Variants in TLK1 observed in about 807,000 individuals in gnomAD.
TLK1 encodes the protein serine/threonine-protein kinase tousled-like 1.
Under a neutral mutation model 105.3 loss-of-function variants are expected in TLK1, and 24 were observed. The ratio of observed to expected loss-of-function variants is 0.23; its 90% CI spans 0.17 to 0.32. The LOEUF is 0.32. Ranked by LOEUF, TLK1 falls within the 10% of genes least tolerant of loss-of-function variation. The probability of loss-of-function intolerance (pLI) is 1.00; values close to 1 mark genes in which losing one functional copy is unlikely to be tolerated. For missense variants in TLK1, 558 were observed against 910.5 expected (o/e 0.61, Z 4.98); for synonymous variants, 321 against 310.4 (o/e 1.03, Z -0.36).
chr2:171,109,726 G>A (rs1463753646), intron 2 of TLK1, among the ~76,000 whole-genome samples: 3 of 152,142 alleles, frequency 2.0e-5, no homozygotes, highest in Admixed American at 2.0e-4. Context: ...CAGGCAAAAT[G>A]AAAACATCCA....
chr2:170,996,864 T>C (rs1684088972), intron 19 of TLK1, 104 bp from the exon 20 acceptor site: 1 of 931,324 alleles, frequency 1.1e-6, no homozygotes, highest in Non-Finnish European at 1.6e-6. Flanking sequence ...TCCAAATATC[T>C]TGTGTTCTAA....
At chr2:171,115,474 T>C (rs1690381987) in intron 2 of TLK1, among the ~76,000 whole-genome samples, 1 of 152,002 alleles carries the variant, frequency 6.6e-6, no homozygotes, top group South Asian at 2.1e-4. Flanking sequence ...TGCCCGGCCT[T>C]TTAAGAATAT....
intron 12 of TLK1, among the ~76,000 whole-genome samples, chr2:171,020,787 T>C (rs1685461751): frequency 6.6e-6 from 1 of 152,050 alleles, no homozygotes; most frequent in Non-Finnish European, 1.5e-5. Flanking sequence ...TTGAAACTAT[T>C]GCACCATAAT....
intron 2 of TLK1, among the ~76,000 whole-genome samples, chr2:171,112,457 A>T (rs2105521850): frequency 6.6e-6 from 1 of 152,306 alleles, no homozygotes; most frequent in Non-Finnish European, 1.5e-5. Context: ...TCCTTAACTA[A>T]CCAGGAATAG....
At chr2:171,106,762 T>C (rs940061724) in intron 2 of TLK1, among the ~76,000 whole-genome samples, 1 of 152,200 alleles carries the variant, frequency 6.6e-6, no homozygotes, top group Non-Finnish European at 1.5e-5. Context: ...ACAAGCACAT[T>C]ATCATCATCA....
At chr2:171,227,697 C>A (rs182420413) in intron 1 of TLK1, among the ~76,000 whole-genome samples, 15 of 148,240 alleles carry the variant, frequency 1.0e-4, no homozygotes, top group East Asian at 5.9e-4. Context: ...AATATTACAG[C>A]CCTCCCTTGT....
chr2:171,079,311 C>A (rs541612583), intron 3 of TLK1, among the ~76,000 whole-genome samples: 2 of 152,362 alleles, frequency 1.3e-5, no homozygotes, highest in South Asian at 4.1e-4. Context: ...CTTTCCCCTA[C>A]AGGCAAATGG....
chr2:171,006,349 A>G (rs1238824315), intron 17 of TLK1, 67 bp from the exon 18 acceptor site: 3 of 1,484,644 alleles, frequency 2.0e-6, no homozygotes, highest in Non-Finnish European at 2.7e-6. Flanking sequence ...ATAACTTTTA[A>G]TTTTACTAGT....
intron 1 of TLK1, among the ~76,000 whole-genome samples, chr2:171,210,738 A>T (rs143555314): frequency 9.7e-4 from 147 of 152,322 alleles, no homozygotes; most frequent in African/African-American, 3.3e-3. Context: ...AGACTAAACT[A>T]AACTAGGACA....
intron 2 of TLK1, among the ~76,000 whole-genome samples, chr2:171,097,176 CA>C (rs1261448250): frequency 6.6e-6 from 1 of 152,160 alleles, no homozygotes; most frequent in Non-Finnish European, 1.5e-5. Context: ...CGAATCCACA[CA>C]TGTAGGGTGA....
chr2:171,048,146 A>G (rs1467195728), intron 10 of TLK1, among the ~76,000 whole-genome samples: 3 of 152,038 alleles, frequency 2.0e-5, no homozygotes, highest in African/African-American at 4.8e-5. Context: ...ACAGGGTTTC[A>G]CCCTGCTGGC....
Position 171,122,794 on chromosome 2 carries a change from G to A in TLK1, c.140-4937C>T, listed in dbSNP as rs116642944. ...TGGCTCACATCTATAATCCCAGCAC[G>A]TTGGGAGACTGAGGAGGGCGGATCA... On this transcript the variant is annotated intron_variant, in intron 1 of 20. Coordinates refer to ENST00000431350, the MANE Select transcript of TLK1 (RefSeq NM_012290.5). Among the ~76,000 whole-genome samples, 787 of 152,074 alleles carry A rather than the reference G, an allele frequency of 5.2e-3. 8 individuals carry two copies. Among genetic ancestry groups the A allele is most frequent in the African/African-American group, 0.018 (746 of 41,462 alleles).
chr2:171,173,483 G>T (rs1009618417), intron 1 of TLK1, among the ~76,000 whole-genome samples: 1 of 151,982 alleles, frequency 6.6e-6, no homozygotes, highest in African/African-American at 2.4e-5. Flanking sequence ...AAACTCCTGG[G>T]CTCCAGGGAT....
At chr2:171,069,998 G>T (rs1281273857) in intron 3 of TLK1, among the ~76,000 whole-genome samples, 1 of 152,176 alleles carries the variant, frequency 6.6e-6, no homozygotes, top group Non-Finnish European at 1.5e-5. Flanking sequence ...AGATGAGTAT[G>T]CTAGAGAATA....
chr2:171,009,005 T>C (rs1474241206), intron 14 of TLK1, among the ~76,000 whole-genome samples: 1 of 152,222 alleles, frequency 6.6e-6, no homozygotes, highest in African/African-American at 2.4e-5. Flanking sequence ...GATAATCTTT[T>C]CTACCTTATG....
In TLK1 at chr2:171,023,844, C is replaced by G. The variant is rs1685648004; in HGVS notation, c.1236+4495G>C. ...TCTTCTTCAACTCCAGAATAAAGAT[C>G]TGACTATATAATCAACCTAGCAGAG... On this transcript the variant is annotated intron_variant, in intron 12 of 20. Coordinates refer to ENST00000431350, the MANE Select transcript of TLK1 (RefSeq NM_012290.5). 2.0e-5 allele frequency among the ~76,000 whole-genome samples: 3 copies of G among 152,184 alleles called. No homozygotes were observed. The South Asian group carries it at 6.2e-4, about 31-fold the overall frequency.
At chr2:171,097,232 A>G (rs1575593530) in intron 2 of TLK1, among the ~76,000 whole-genome samples, 1 of 152,244 alleles carries the variant, frequency 6.6e-6, no homozygotes, top group East Asian at 1.9e-4. Context: ...TGGGGAAAGG[A>G]TAGTTTCTTC....
chr2:171,003,204 G>A (rs1449091719), intron 18 of TLK1, among the ~76,000 whole-genome samples: 1 of 147,686 alleles, frequency 6.8e-6, no homozygotes, highest in Non-Finnish European at 1.5e-5. Flanking sequence ...GACCCGGGAG[G>A]CGGAGCTTGC....
chr2:171,087,273 C>T (rs529185609), intron 2 of TLK1, among the ~76,000 whole-genome samples: 3 of 152,170 alleles, frequency 2.0e-5, no homozygotes, highest in East Asian at 1.9e-4. Context: ...GTAGCTCAAA[C>T]GACAAGATTG....
Sources: allele counts gnomAD v4.1 joint callset (sites outside exome capture counted in the v4.1 genomes callset), GRCh38; gene constraint gnomAD v4.1.1; transcripts MANE v1.5; gene names NCBI Gene and HGNC (gene_info 2026-07-23, HGNC 2026-07-21).